EXT1: variants seen among roughly 807,000 people sequenced by gnomAD.
EXT1 encodes the protein exostosin-1.
In EXT1, 20 loss-of-function variants were observed where a neutral mutation model predicts 82.5. The ratio of observed to expected loss-of-function variants is 0.24; its 90% confidence interval spans 0.17 to 0.35. EXT1 has a LOEUF of 0.35. Among genes scored for constraint, EXT1 ranks in the 10% least tolerant of loss-of-function variants. The pLI, the probability that EXT1 is intolerant of heterozygous loss-of-function variation, is 1.00. For synonymous variants in EXT1, 348 were observed against 350.8 expected (o/e 0.99, Z 0.09); for missense variants, 757 against 936.5 (o/e 0.81, Z 2.50).
intron 5 of EXT1, among the ~76,000 whole-genome samples, chr8:117,820,428 C>T (rs952950290): frequency 1.3e-5 from 2 of 152,136 alleles, no homozygotes; most frequent in Non-Finnish European, 2.9e-5. Context: ...GTGGCTCACA[C>T]GTGTGATCCC....
At chr8:117,980,474 A>T (rs1815166721) in intron 1 of EXT1, among the ~76,000 whole-genome samples, 1 of 152,126 alleles carries the variant, frequency 6.6e-6, no homozygotes, top group African/African-American at 2.4e-5. Flanking sequence ...TACACAATTA[A>T]TCCCACTGCT....
At chr8:117,942,023 T>C (rs1327470862) in intron 1 of EXT1, among the ~76,000 whole-genome samples, 1 of 152,188 alleles carries the variant, frequency 6.6e-6, no homozygotes, top group Non-Finnish European at 1.5e-5. Context: ...CAAGGAGTTA[T>C]AGGTCTAATG....
intron 1 of EXT1, among the ~76,000 whole-genome samples, chr8:117,974,976 A>C (rs1345608110): frequency 6.6e-6 from 1 of 152,214 alleles, no homozygotes; most frequent in Non-Finnish European, 1.5e-5. Context: ...TTTTGACATA[A>C]AATTTCTAAA....
intron 1 of EXT1, among the ~76,000 whole-genome samples, chr8:118,091,092 C>T (rs1817515056): frequency 6.6e-6 from 1 of 152,154 alleles, no homozygotes; most frequent in South Asian, 2.1e-4. Context: ...CTACAATTCT[C>T]TTCAATGAGT....
intron 4 of EXT1, among the ~76,000 whole-genome samples, chr8:117,827,860 G>C (rs1028673280): frequency 1.4e-5 from 2 of 144,982 alleles, no homozygotes; most frequent in East Asian, 2.0e-4. Flanking sequence ...CAAATTCAAG[G>C]AATTTATCCT....
intron 1 of EXT1, among the ~76,000 whole-genome samples, chr8:117,940,660 G>A (rs1814253096): frequency 6.6e-6 from 1 of 152,206 alleles, no homozygotes; most frequent in Non-Finnish European, 1.5e-5. Context: ...ATAAGGCCTA[G>A]AATGAGGCAT....
At chr8:118,096,208 CATA>C (rs1406584552) in intron 1 of EXT1, among the ~76,000 whole-genome samples, 4 of 152,226 alleles carry the variant, frequency 2.6e-5, no homozygotes, top group African/African-American at 9.6e-5. Flanking sequence ...ATAAAAAGAT[CATA>C]ATGTTTTTTC....
At chr8:117,887,066 C>A (rs1813158572) in intron 1 of EXT1, among the ~76,000 whole-genome samples, 2 of 152,132 alleles carry the variant, frequency 1.3e-5, no homozygotes, top group African/African-American at 4.8e-5. Flanking sequence ...GACGATATAG[C>A]CTCTGTTTAA....
chr8:117,828,193 C>T (rs1258368523), intron 4 of EXT1, among the ~76,000 whole-genome samples: 1 of 151,878 alleles, frequency 6.6e-6, no homozygotes, highest in Non-Finnish European at 1.5e-5. Context: ...ATATATATAT[C>T]AATAGTGGTT....
intron 1 of EXT1, among the ~76,000 whole-genome samples, chr8:117,899,564 C>T (rs757034907): frequency 4.6e-5 from 7 of 152,154 alleles, no homozygotes; most frequent in Admixed American, 6.5e-5. Context: ...AAGCTGCTTT[C>T]GGAACGATCA....
At chr8:117,859,237 C>T (rs4463453) in intron 1 of EXT1, among the ~76,000 whole-genome samples, 44,512 of 152,030 alleles carry the variant, frequency 0.29, 7,320 homozygotes, top group Middle Eastern at 0.41. Flanking sequence ...ATATCTCTGA[C>T]GTGTGTCTTA....
At position 118,110,856 on chromosome 8, in the gene EXT1, G is replaced by A. The variant is rs748138510; in HGVS notation, c.191C>T (p.Pro64Leu). The change falls in exon 1 of 11, where the codon CCC (proline) becomes CTC (leucine). Residue 64 changes from proline to leucine, a missense_variant. Physicochemically the swap from Pro to Leu is moderately conservative, Grantham distance 98. Transcript: ENST00000378204. Reference sequence around the variant, plus strand: ...TTCCAATTGATCCCAAGGAACGAAGGGGCGCAGAGCGTCCGGGAAGCGGGG... The same window carrying A: ...TTCCAATTGATCCCAAGGAACGAAGAGGCGCAGAGCGTCCGGGAAGCGGGG... Reference protein sequence around the residue: ...FWPRFPDALRPFVPWDQLENE... With the variant: ...FWPRFPDALRLFVPWDQLENE... 1.2e-6 allele frequency: 2 copies of A among 1,612,890 alleles called. No homozygotes were observed. Among genetic ancestry groups the A allele is most frequent in the Admixed American group, 3.3e-5 (2 of 59,960 alleles).
At chr8:117,939,311 G>C (rs987349600) in intron 1 of EXT1, among the ~76,000 whole-genome samples, 1 of 152,272 alleles carries the variant, frequency 6.6e-6, no homozygotes, top group Middle Eastern at 3.4e-3. Context: ...AGGCACAGTG[G>C]CTCATGCCAG....
chr8:118,054,467 T>C lies in EXT1; in HGVS notation c.962+55618A>G, dbSNP rs530757789. On this transcript the variant is annotated intron_variant, in intron 1 of 10. Transcript: ENST00000378204. ...ACATCCTCCTCCTGGAATCTGAACT[T>C]CCAGTTTTGCAATTAAAGTGATGAT... Among the ~76,000 whole-genome samples the C allele has an allele frequency of 3.3e-5, 5 of 152,330 alleles. 1 individual carries two copies. Among genetic ancestry groups the C allele is most frequent in the African/African-American group, 1.2e-4 (5 of 41,580 alleles).
intron 1 of EXT1, among the ~76,000 whole-genome samples, chr8:118,075,052 C>T (rs970987914): frequency 6.6e-6 from 1 of 152,154 alleles, no homozygotes; most frequent in Non-Finnish European, 1.5e-5. Context: ...CCCCACACTC[C>T]GAACAGGCAT....
chr8:118,036,072 CTTT>C (rs562751386), intron 1 of EXT1, among the ~76,000 whole-genome samples: 1 of 141,092 alleles, frequency 7.1e-6, no homozygotes. Context: ...GTATCTCAGT[CTTT>C]TTTTTTTTTT....
intron 1 of EXT1, among the ~76,000 whole-genome samples, chr8:118,022,618 A>C (rs1816128068): frequency 6.6e-6 from 1 of 151,436 alleles, no homozygotes; most frequent in African/African-American, 2.4e-5. Flanking sequence ...GATTACAGGC[A>C]TGAGCCACCA....
At chr8:118,054,792 G>C (rs1342314643) in intron 1 of EXT1, among the ~76,000 whole-genome samples, 2 of 152,170 alleles carry the variant, frequency 1.3e-5, no homozygotes, top group East Asian at 3.9e-4. Context: ...AAAGTACCTG[G>C]AAGAATTTCA....
At chr8:117,951,142 G>A (rs1814483879) in intron 1 of EXT1, among the ~76,000 whole-genome samples, 1 of 152,216 alleles carries the variant, frequency 6.6e-6, no homozygotes, top group Non-Finnish European at 1.5e-5. Context: ...GAAAGTGAGA[G>A]AAGAGGTAAT....
Sources: allele counts gnomAD v4.1 joint callset (sites outside exome capture counted in the v4.1 genomes callset), GRCh38; gene constraint gnomAD v4.1.1; transcripts MANE v1.5; gene names NCBI Gene and HGNC (gene_info 2026-07-23, HGNC 2026-07-21).